RTL9: variants seen among roughly 807,000 people sequenced by gnomAD.
RTL9 encodes retrotransposon Gag like 9.
RTL9 carries 19 observed loss-of-function variants against 44.7 expected under a neutral mutation model. The ratio of observed to expected loss-of-function variants is 0.42; its 90% CI spans 0.30 to 0.62. The LOEUF (loss-of-function observed/expected upper bound fraction) is 0.62. Among genes scored for constraint, RTL9 ranks in the 20% least tolerant of loss-of-function variants. RTL9 has a pLI of 0.16. For missense variants in RTL9, 1,105 were observed against 1,080.6 expected, an observed-to-expected ratio of 1.02 and a Z score of -0.32; for synonymous variants, 407 against 398.9, an observed-to-expected ratio of 1.02 and a Z score of -0.24.
chrX:110,370,760 C>A (rs1216460238), intron 1 of RTL9, among the ~76,000 whole-genome samples: 1 of 112,016 alleles, frequency 8.9e-6, no homozygotes, highest in Non-Finnish European at 1.9e-5. Context: ...CCTGTGGAGT[C>A]CACATGGCTA....
chrX:110,386,569 T>C (rs950763515), intron 1 of RTL9, among the ~76,000 whole-genome samples: 1 of 111,990 alleles, frequency 8.9e-6, no homozygotes, highest in Non-Finnish European at 1.9e-5. Flanking sequence ...AGTTCTTATA[T>C]ATTCTGCATG....
At chrX:110,367,524 C>G (rs1276343916) in intron 1 of RTL9, among the ~76,000 whole-genome samples, 1 of 111,434 alleles carries the variant, frequency 9.0e-6, no homozygotes, top group Non-Finnish European at 1.9e-5. Context: ...CACTTGGCTT[C>G]CAGGACACCA....
chrX:110,387,320 C>A (rs1327683315), intron 1 of RTL9, among the ~76,000 whole-genome samples: 1 of 112,131 alleles, frequency 8.9e-6, no homozygotes, highest in Non-Finnish European at 1.9e-5. Context: ...CTTACAGACA[C>A]GTTTGGTTTG....
At chrX:110,370,201 A>G (rs1268905791) in intron 1 of RTL9, among the ~76,000 whole-genome samples, 1 of 110,998 alleles carries the variant, frequency 9.0e-6, no homozygotes, top group Non-Finnish European at 1.9e-5. Flanking sequence ...AAAATTTTTA[A>G]ATTTTTATTT....
chrX:110,395,102 G>A (rs1220911874), intron 1 of RTL9, among the ~76,000 whole-genome samples: 1 of 112,676 alleles, frequency 8.9e-6, no homozygotes, highest in Admixed American at 9.3e-5. Flanking sequence ...GTGTATGTAG[G>A]TTGTTTCAGG....
rs908737506 is a variant in RTL9, at chrX:110,442,247, CTGTGTGTG to C, written c.-167-2872_-167-2865del. Among the ~76,000 whole-genome samples, 175 of 97,032 alleles carry C rather than the reference CTGTGTGTG, an allele frequency of 1.8e-3. 1 individual carries two copies. Among genetic ancestry groups the C allele is most frequent in the Middle Eastern group, 5.1e-3 (1 of 198 alleles). The allele number at this position is 97,032 out of a possible 115,157, so 84.3% of individuals were successfully genotyped here. A position where few individuals can be genotyped will look rare whatever the true frequency, so the allele number is the denominator to read the frequency against. On this transcript the variant is annotated intron_variant, in intron 1 of 3. Coordinates refer to the RTL9 transcript ENST00000465301. ...TCTCTCTCTCTCTCTCTCTCTCTCT[CTGTGTGTG>C]TGTGTGTGTGTGTGTGTGTGTGTGT... is the stretch of plus-strand genomic sequence containing the variant.
At chrX:110,425,650 A>C (rs1201201613) in intron 1 of RTL9, among the ~76,000 whole-genome samples, 1 of 112,410 alleles carries the variant, frequency 8.9e-6, no homozygotes, top group East Asian at 2.8e-4. Context: ...CTAAACACTC[A>C]CTAATTCATT....
At chrX:110,389,217 G>T (rs777643611) in intron 1 of RTL9, among the ~76,000 whole-genome samples, 36 of 112,843 alleles carry the variant, frequency 3.2e-4, no homozygotes, top group Admixed American at 7.5e-4. Flanking sequence ...AGAATATGCA[G>T]TATTTATTTT....
At chrX:110,422,132 G>A (rs2068721666) in intron 1 of RTL9, among the ~76,000 whole-genome samples, 1 of 113,092 alleles carries the variant, frequency 8.8e-6, no homozygotes, top group African/African-American at 3.2e-5. Context: ...CTGGCACAGA[G>A]TAAGTGCTCA....
intron 1 of RTL9, among the ~76,000 whole-genome samples, chrX:110,442,623 T>G (rs1035361014): frequency 2.7e-5 from 3 of 111,906 alleles, no homozygotes; most frequent in African/African-American, 9.8e-5. Flanking sequence ...TCAGTGAACT[T>G]GAGTACTTCA....
chrX:110,378,256 T>C (rs1188811514), intron 1 of RTL9, among the ~76,000 whole-genome samples: 1 of 111,270 alleles, frequency 9.0e-6, no homozygotes, highest in African/African-American at 3.3e-5. Context: ...GAATAATTGC[T>C]TATTTTAATA....
upstream of RTL9, chrX:110,418,977 C>T (rs2068698465): frequency 9.3e-6 from 1 of 107,705 alleles, no homozygotes; most frequent in Non-Finnish European, 1.9e-5. Flanking sequence ...TATGACTCAC[C>T]AACAAAAACG....
At chrX:110,372,389 G>GT (rs2068345432) in intron 1 of RTL9, among the ~76,000 whole-genome samples, 2 of 112,477 alleles carry the variant, frequency 1.8e-5, no homozygotes, top group African/African-American at 6.5e-5. Flanking sequence ...CGTGCTGGAA[G>GT]TAACAGTGGT....
chrX:110,360,774 A>G (rs1312428885), intron 1 of RTL9, among the ~76,000 whole-genome samples: 2 of 111,344 alleles, frequency 1.8e-5, no homozygotes, highest in Non-Finnish European at 3.8e-5. Flanking sequence ...GTAAAAGCCA[A>G]GTAAGACAAG....
At chrX:110,453,310 C>A in exon 1 of RTL9, 1 of 1,211,885 alleles carries the variant, frequency 8.3e-7, no homozygotes, top group East Asian at 3.0e-5. Flanking sequence ...GGAGGGGTGT[C>A]CTCACCACTA....
chrX:110,410,416 C>T (rs894094734), intron 1 of RTL9, among the ~76,000 whole-genome samples: 2 of 111,960 alleles, frequency 1.8e-5, no homozygotes, highest in African/African-American at 3.3e-5. Context: ...AAGAGGAACT[C>T]GCCAATATCT....
intron 1 of RTL9, among the ~76,000 whole-genome samples, chrX:110,368,282 G>A (rs887529284): frequency 1.8e-5 from 2 of 110,571 alleles, no homozygotes; most frequent in African/African-American, 6.6e-5. Flanking sequence ...ACCGTCCGTG[G>A]CCTTTTATAT....
chrX:110,403,608 T>G (rs1399615739), intron 1 of RTL9, among the ~76,000 whole-genome samples: 2 of 111,817 alleles, frequency 1.8e-5, no homozygotes. Context: ...TCTTGGTGCT[T>G]GGCCAGACTC....
At chrX:110,380,312 A>G (rs1315506869) in intron 1 of RTL9, among the ~76,000 whole-genome samples, 1 of 110,933 alleles carries the variant, frequency 9.0e-6, no homozygotes, top group Non-Finnish European at 1.9e-5. Flanking sequence ...ATATAATCAG[A>G]GAGCCAAATC....
Sources: gnomAD v4.1 joint callset for allele counts (sites outside exome capture counted in the v4.1 genomes callset) on GRCh38, gnomAD v4.1.1 for gene constraint, MANE v1.5 for transcripts, NCBI Gene and HGNC (gene_info 2026-07-23, HGNC 2026-07-21) for gene names.